The following SNTG1 variants were observed in gnomAD, a reference collection of about 807,000 sequenced individuals.
SNTG1 encodes syntrophin gamma 1, also known as gamma-1-syntrophin.
A neutral mutation model predicts 74.7 loss-of-function variants in SNTG1; 39 were observed. The observed-to-expected ratio is 0.52, with a 90% CI of 0.40 to 0.68. SNTG1 has a LOEUF of 0.68. Ranked by LOEUF, SNTG1 falls within the 30% of genes least tolerant of loss-of-function variation. SNTG1 has a pLI of 0.00. For synonymous variants in SNTG1, 254 were observed against 217.1 expected, an observed-to-expected ratio of 1.17 and a Z score of -1.49; for missense variants, 685 against 609.5, an observed-to-expected ratio of 1.12 and a Z score of -1.30.
chr8:50,710,762 C>T (rs767842168), intron 17 of SNTG1, among the ~76,000 whole-genome samples: 5 of 152,062 alleles, frequency 3.3e-5, no homozygotes, highest in East Asian at 1.9e-4. Flanking sequence ...GGAACGAGTG[C>T]GTAGTCAGGA....
chr8:50,503,160 A>G (rs775584625), intron 9 of SNTG1, among the ~76,000 whole-genome samples: 7 of 152,192 alleles, frequency 4.6e-5, no homozygotes, highest in Non-Finnish European at 8.8e-5. Flanking sequence ...TGCATTATGC[A>G]TGTCTATTAA....
chr8:50,052,294 A>AT (rs1205815894), intron 1 of SNTG1, among the ~76,000 whole-genome samples: 1 of 152,098 alleles, frequency 6.6e-6, no homozygotes, highest in Non-Finnish European at 1.5e-5. Context: ...TTGTTACAAC[A>AT]TTTTATCAAT....
In SNTG1 at chr8:50,200,109, G is replaced by A. The variant is rs1421229822; in HGVS notation, c.-28+27474G>A. ...CATAATAACAGCAAATATTTTCTTA[G>A]CCCCTGCTTCCTGCCAGACATTGTA... is the stretch of plus-strand genomic sequence containing the variant. On this transcript the variant is annotated intron_variant, in intron 2 of 18. Transcript: ENST00000642720. 2.6e-5 allele frequency among the ~76,000 whole-genome samples: 4 copies of A among 152,216 alleles called. No individual in the cohort carries two copies. In the East Asian group the frequency reaches 7.7e-4, roughly 29 times the overall value.
At chr8:49,972,647 A>G (rs1430078041) in intron 1 of SNTG1, among the ~76,000 whole-genome samples, 1 of 140,722 alleles carries the variant, frequency 7.1e-6, no homozygotes, top group Admixed American at 7.4e-5. Context: ...CAGAATCTAC[A>G]ATGAACTCTA....
chr8:50,296,296 A>G (rs2089368670), intron 2 of SNTG1, among the ~76,000 whole-genome samples: 1 of 152,226 alleles, frequency 6.6e-6, no homozygotes, highest in Non-Finnish European at 1.5e-5. Context: ...TTATTCTACT[A>G]TAAAGACACA....
rs61696608 is a variant in SNTG1, at chr8:50,422,270, A to ATCTATCTGTCTATCTAT, written c.163-16273_163-16272insTCTATCTGTCTATCTAT. 4.6e-5 allele frequency among the ~76,000 whole-genome samples: 7 copies of ATCTATCTGTCTATCTAT among 151,698 alleles called. No homozygotes were observed. In the South Asian group the frequency reaches 1.2e-3, roughly 27 times the overall value. On this transcript the variant is annotated intron_variant, in intron 4 of 18. Transcript: ENST00000642720. ...TATCTATCTATCTATCTATCTATCTACTATCTATCTATCTATGTAGATAGG... is the reference window on the plus strand; with the variant it reads ...TATCTATCTATCTATCTATCTATCTATCTATCTGTCTATCTATCTATCTATCTATCTATGTAGATAGG...
At chr8:50,531,193 C>A (rs1458204199) in intron 10 of SNTG1, among the ~76,000 whole-genome samples, 1 of 152,118 alleles carries the variant, frequency 6.6e-6, no homozygotes, top group Non-Finnish European at 1.5e-5. Flanking sequence ...AGCTGAGTAC[C>A]TTAGGCCCTC....
At chr8:50,122,408 G>A (rs1304758536) in intron 1 of SNTG1, among the ~76,000 whole-genome samples, 1 of 141,072 alleles carries the variant, frequency 7.1e-6, no homozygotes, top group South Asian at 2.7e-4. Flanking sequence ...GTAGATTTGC[G>A]AGGCCTGGAA....
intron 13 of SNTG1, among the ~76,000 whole-genome samples, chr8:50,596,990 G>A (rs1471489881): frequency 6.6e-6 from 1 of 151,864 alleles, no homozygotes; most frequent in Non-Finnish European, 1.5e-5. Flanking sequence ...ACCCTACTGT[G>A]TAATAGAACA....
intron 16 of SNTG1, among the ~76,000 whole-genome samples, chr8:50,707,410 C>A (rs552628857): frequency 2.4e-4 from 37 of 152,148 alleles, no homozygotes; most frequent in African/African-American, 8.9e-4. Context: ...AATATAATTA[C>A]TCCTGAAAAT....
At chr8:50,704,461 A>G in intron 15 of SNTG1, 139 bp from the exon 16 acceptor site, 2 of 1,015,974 alleles carry the variant, frequency 2.0e-6, no homozygotes, top group Non-Finnish European at 3.1e-6. Flanking sequence ...TTCTGGTATA[A>G]TGTCTAATGA....
intron 4 of SNTG1, among the ~76,000 whole-genome samples, chr8:50,403,289 TAAC>T (rs2092829408): frequency 6.6e-6 from 1 of 152,218 alleles, no homozygotes; most frequent in African/African-American, 2.4e-5. Flanking sequence ...CACTTCTTAC[TAAC>T]ACCCTATGGG....
chr8:50,517,861 A>T (rs2094147256), intron 9 of SNTG1, among the ~76,000 whole-genome samples: 1 of 152,190 alleles, frequency 6.6e-6, no homozygotes, highest in African/African-American at 2.4e-5. Flanking sequence ...ATAGTGGGAG[A>T]CTTTAACACC....
chr8:50,733,109 G>A (rs2095517002), intron 17 of SNTG1, among the ~76,000 whole-genome samples: 1 of 151,678 alleles, frequency 6.6e-6, no homozygotes, highest in African/African-American at 2.4e-5. Flanking sequence ...GTGTTCTTCA[G>A]TGTTTATTGT....
At chr8:50,254,103 A>G (rs761660531) in intron 2 of SNTG1, among the ~76,000 whole-genome samples, 9 of 152,190 alleles carry the variant, frequency 5.9e-5, no homozygotes, top group Non-Finnish European at 1.2e-4. Flanking sequence ...TACACTCGAT[A>G]CCTTGATTTC....
At chr8:50,732,128 A>G in intron 17 of SNTG1, among the ~76,000 whole-genome samples, 1 of 152,000 alleles carries the variant, frequency 6.6e-6, no homozygotes, top group East Asian at 1.9e-4. Flanking sequence ...TTATAGCCAG[A>G]GGAACTTTAT....
At chr8:50,540,155 G>A (rs1490572510) in intron 11 of SNTG1, among the ~76,000 whole-genome samples, 1 of 152,152 alleles carries the variant, frequency 6.6e-6, no homozygotes, top group Non-Finnish European at 1.5e-5. Flanking sequence ...CAGCTGATAA[G>A]AATGAGGCCA....
intron 8 of SNTG1, among the ~76,000 whole-genome samples, chr8:50,455,759 C>A (rs2093499150): frequency 6.6e-6 from 1 of 152,002 alleles, no homozygotes; most frequent in Non-Finnish European, 1.5e-5. Flanking sequence ...TATATGTCAC[C>A]AAGGAACATA....
chr8:50,676,189 T>C (rs890401245), intron 15 of SNTG1, among the ~76,000 whole-genome samples: 2 of 152,080 alleles, frequency 1.3e-5, no homozygotes, highest in African/African-American at 2.4e-5. Flanking sequence ...TCTTGCTAGA[T>C]TGGGGAAGTT....
Sources: allele counts gnomAD v4.1 joint callset (sites outside exome capture counted in the v4.1 genomes callset), GRCh38; gene constraint gnomAD v4.1.1; transcripts MANE v1.5; gene names NCBI Gene and HGNC (gene_info 2026-07-23, HGNC 2026-07-21).